NDRG3: variants seen among roughly 807,000 people sequenced by gnomAD.
NDRG3 encodes NDRG family member 3.
Under a neutral mutation model 57.2 loss-of-function variants are expected in NDRG3, and 23 were observed. The ratio of observed to expected loss-of-function variants is 0.40; its 90% CI spans 0.29 to 0.57. The LOEUF (loss-of-function observed/expected upper bound fraction) is 0.57, where lower values mean the gene tolerates loss of function less well. Ranked by LOEUF, NDRG3 falls within the 20% of genes least tolerant of loss-of-function variation. NDRG3 has a pLI of 0.42. For missense variants in NDRG3, 384 were observed against 457.3 expected (o/e 0.84, Z 1.46); for synonymous variants, 132 against 162.6 (o/e 0.81, Z 1.43).
intron 1 of NDRG3, among the ~76,000 whole-genome samples, chr20:36,743,498 A>AT (rs2148239377): frequency 6.7e-6 from 1 of 148,890 alleles, no homozygotes; most frequent in East Asian, 2.0e-4. Context: ...CCGTCTCAAA[A>AT]AATAATAATA....
chr20:36,683,818 A>G (rs1235413480), intron 6 of NDRG3, among the ~76,000 whole-genome samples: 2 of 151,778 alleles, frequency 1.3e-5, no homozygotes, highest in African/African-American at 2.4e-5. Flanking sequence ...ATATCCATCT[A>G]CCTACTACTA....
intron 2 of NDRG3, among the ~76,000 whole-genome samples, chr20:36,710,937 G>A (rs576700078): frequency 5.3e-5 from 8 of 151,642 alleles, no homozygotes; most frequent in African/African-American, 1.7e-4. Flanking sequence ...CTGAGACGGC[G>A]CCACTGCACT....
intron 2 of NDRG3, among the ~76,000 whole-genome samples, chr20:36,719,737 A>G (rs1029462484): frequency 6.9e-6 from 1 of 144,578 alleles, no homozygotes; most frequent in Non-Finnish European, 1.5e-5. Context: ...TCAGGAAAGG[A>G]TGGCATGGCC....
At chr20:36,671,028 C>A (rs899996861) in intron 9 of NDRG3, among the ~76,000 whole-genome samples, 2 of 152,140 alleles carry the variant, frequency 1.3e-5, no homozygotes, top group Non-Finnish European at 2.9e-5. Flanking sequence ...TTCTGTGAAG[C>A]CTTTCCCAGA....
intron 2 of NDRG3, among the ~76,000 whole-genome samples, chr20:36,709,885 TTC>T (rs1204699070): frequency 1.6e-4 from 25 of 152,166 alleles, no homozygotes; most frequent in African/African-American, 5.5e-4. Flanking sequence ...GTTGAGGAAA[TTC>T]TGTTAAAATT....
chr20:36,710,536 C>T (rs959731046), intron 2 of NDRG3, among the ~76,000 whole-genome samples: 3 of 152,092 alleles, frequency 2.0e-5, no homozygotes, highest in Non-Finnish European at 2.9e-5. Flanking sequence ...GGGCCAGGTG[C>T]GTTGGCTCAT....
chr20:36,712,585 ATATTTTTTTTT>A, intron 2 of NDRG3, among the ~76,000 whole-genome samples: 1 of 8,484 alleles, frequency 1.2e-4, no homozygotes, highest in South Asian at 7.0e-3. Flanking sequence ...ATATATATAT[ATATTTTTTTTT>A]TTTTTTTTTT....
chr20:36,674,013 A>C (rs1980417160), intron 8 of NDRG3, among the ~76,000 whole-genome samples: 1 of 151,898 alleles, frequency 6.6e-6, no homozygotes, highest in Admixed American at 6.6e-5. Context: ...CTGAGGCAGG[A>C]GAATCACTTG....
Position 36,656,428 on chromosome 20 carries a change from A to G in NDRG3, c.895-17T>C, listed in dbSNP as rs1978676110. 1 of 1,614,202 alleles carries G rather than the reference A, an allele frequency of 6.2e-7. No individual in the cohort carries two copies. The highest frequency in any genetic ancestry group is 8.5e-7 in the Non-Finnish European group (1 of 1,180,040). On this transcript the variant is annotated splice_polypyrimidine_tract_variant and intron_variant, in intron 14 of 15. Coordinates refer to ENST00000349004, the MANE Select transcript of NDRG3 (RefSeq NM_032013.4). ...CTTCCCAGGCTGGGGGGATAAAACAAGAGGGCATTAATTTTTGCATAGACA... is the reference window on the plus strand; with the variant it reads ...CTTCCCAGGCTGGGGGGATAAAACAGGAGGGCATTAATTTTTGCATAGACA...
chr20:36,714,790 T>C (rs930288487), intron 2 of NDRG3, among the ~76,000 whole-genome samples: 2 of 151,216 alleles, frequency 1.3e-5, no homozygotes, highest in African/African-American at 4.8e-5. Context: ...ATTTTTTATT[T>C]TTAGTAGAGA....
At chr20:36,668,764 GTACA>G (rs1979855081) in intron 9 of NDRG3, 1 of 150,760 alleles carries the variant, frequency 6.6e-6, no homozygotes, top group Non-Finnish European at 1.5e-5. Flanking sequence ...TTATATATAT[GTACA>G]TACATAGTTA....
intron 2 of NDRG3, among the ~76,000 whole-genome samples, chr20:36,718,185 T>C (rs572591372): frequency 2.0e-5 from 3 of 152,324 alleles, no homozygotes; most frequent in Non-Finnish European, 2.9e-5. Flanking sequence ...ATCCACTTGC[T>C]GCGCAAAGAC....
At chr20:36,683,904 G>GT (rs1981551786) in intron 6 of NDRG3, among the ~76,000 whole-genome samples, 4 of 152,092 alleles carry the variant, frequency 2.6e-5, no homozygotes, top group Admixed American at 2.6e-4. Flanking sequence ...ATTGTTAATA[G>GT]TTTAACTGTT....
At chr20:36,679,741 T>C (rs1252714852) in intron 8 of NDRG3, among the ~76,000 whole-genome samples, 1 of 151,960 alleles carries the variant, frequency 6.6e-6, no homozygotes, top group Non-Finnish European at 1.5e-5. Flanking sequence ...TGACCTCAGG[T>C]GATCTGCCCA....
At chr20:36,677,664 G>C (rs968323274) in intron 8 of NDRG3, among the ~76,000 whole-genome samples, 1 of 152,158 alleles carries the variant, frequency 6.6e-6, no homozygotes, top group Non-Finnish European at 1.5e-5. Context: ...CTCGCCTGTG[G>C]AAAGGAACCA....
intron 9 of NDRG3, 23 bp from the exon 10 acceptor site, chr20:36,666,415 T>G (rs372378442): frequency 1.9e-6 from 3 of 1,541,114 alleles, no homozygotes; most frequent in Non-Finnish European, 2.7e-6. Flanking sequence ...AAAGAAGACA[T>G]GGGTAAGCTT....
intron 3 of NDRG3, chr20:36,700,677 A>T (rs1201156405): frequency 3.1e-6 from 1 of 324,642 alleles, no homozygotes; most frequent in Admixed American, 4.4e-5. Flanking sequence ...CTACACAATG[A>T]GCCTGTGCTC....
At position 36,653,333 on chromosome 20, in the gene NDRG3, G is replaced by A; in HGVS notation, c.*187C>T. 1.8e-6 allele frequency: 1 copy of A among 567,624 alleles called. No homozygotes were observed. The highest frequency in any genetic ancestry group is 2.9e-5 in the East Asian group (1 of 34,896). The allele number at this position is 567,624 out of a possible 1,614,324, so 35.2% of individuals were successfully genotyped here. A position where few individuals can be genotyped will look rare whatever the true frequency, so the allele number is the denominator to read the frequency against. ...AATGTTACAGTATGGCATGGAAGTG[G>A]TTCTTGGGCTATACAAAAAAGGGGG... On this transcript the variant is annotated 3_prime_UTR_variant, in exon 16 of 16. Transcript: ENST00000349004. The surrounding 1 kb of genome is among the most constrained non-coding windows in gnomAD (Gnocchi z 4.2).
Position 36,739,456 on chromosome 20 carries a change from G to GAA in NDRG3, c.-49+6587_-49+6588dup, listed in dbSNP as rs77545191. ...AGTGAGACTCCGCCTCAAAAAAAAA[G>GAA]AAAAAAAAAAAAAAGCTGTCAACTT... On this transcript the variant is annotated intron_variant, in intron 1 of 15. Transcript: ENST00000349004. Among the ~76,000 whole-genome samples the GAA allele has an allele frequency of 1.0e-3, 115 of 113,972 alleles. 1 individual carries two copies. The highest frequency in any genetic ancestry group is 1.2e-3 in the Non-Finnish European group (65 of 55,194). 74.8% of individuals were successfully genotyped at this position (113,972 alleles called of 152,430 possible). A position where few individuals can be genotyped will look rare whatever the true frequency, so the allele number is the denominator to read the frequency against.
Sources: gnomAD v4.1 joint callset for allele counts (sites outside exome capture counted in the v4.1 genomes callset) on GRCh38, gnomAD v4.1.1 for gene constraint, Gnocchi (gnomAD v3.1) non-coding constraint, MANE v1.5 for transcripts, NCBI Gene and HGNC (gene_info 2026-07-23, HGNC 2026-07-21) for gene names.